PCCA: variants seen among roughly 807,000 people sequenced by gnomAD.
PCCA encodes the protein propionyl-CoA carboxylase alpha chain, mitochondrial.
In PCCA, 74 loss-of-function variants were observed where a neutral mutation model predicts 101.3. The ratio of observed to expected loss-of-function variants is 0.73; its 90% CI spans 0.61 to 0.89. PCCA has a LOEUF of 0.89. PCCA is among the 40% of genes least tolerant of loss of function. PCCA has a pLI of 0.00. For synonymous variants in PCCA, 294 were observed against 313.6 expected, an observed-to-expected ratio of 0.94 and a Z score of 0.66; for missense variants, 891 against 907.0, an observed-to-expected ratio of 0.98 and a Z score of 0.23.
intron 16 of PCCA, among the ~76,000 whole-genome samples, chr13:100,325,098 C>A (rs1199445306): frequency 6.6e-6 from 1 of 151,914 alleles, no homozygotes; most frequent in Admixed American, 6.6e-5. Flanking sequence ...ATGTAAGGAC[C>A]ATTGTAAAAA....
At chr13:100,196,920 A>T (rs1302891475) in intron 6 of PCCA, among the ~76,000 whole-genome samples, 3 of 152,218 alleles carry the variant, frequency 2.0e-5, no homozygotes, top group African/African-American at 4.8e-5. Context: ...AATGACTCCT[A>T]TAAATGTAGT....
At chr13:100,513,286 T>C (rs2086616571) in intron 21 of PCCA, among the ~76,000 whole-genome samples, 1 of 152,258 alleles carries the variant, frequency 6.6e-6, no homozygotes, top group African/African-American at 2.4e-5. Context: ...CACCAAGGCC[T>C]CTCTGGAGGA....
intron 17 of PCCA, among the ~76,000 whole-genome samples, chr13:100,332,174 G>A (rs896433197): frequency 6.6e-6 from 1 of 152,040 alleles, no homozygotes; most frequent in African/African-American, 2.4e-5. Context: ...TCTTGACCTC[G>A]TGATCTGCCC....
chr13:100,461,376 A>G (rs1484018250), intron 21 of PCCA, among the ~76,000 whole-genome samples: 1 of 152,252 alleles, frequency 6.6e-6, no homozygotes, highest in African/African-American at 2.4e-5. Context: ...TACAGATATC[A>G]AATTTTAATA....
chr13:100,251,398 G>A (rs914606375), intron 8 of PCCA, among the ~76,000 whole-genome samples: 1 of 152,190 alleles, frequency 6.6e-6, no homozygotes, highest in Non-Finnish European at 1.5e-5. Flanking sequence ...GATTACAGCA[G>A]TAAAAATAAT....
chr13:100,319,863 A>G (rs1182008470), intron 16 of PCCA, among the ~76,000 whole-genome samples: 1 of 152,192 alleles, frequency 6.6e-6, no homozygotes, highest in African/African-American at 2.4e-5. Flanking sequence ...CAATTCTGTG[A>G]AGAAAGTCAT....
intron 20 of PCCA, among the ~76,000 whole-genome samples, chr13:100,443,147 G>C (rs1487430127): frequency 6.6e-6 from 1 of 152,116 alleles, no homozygotes; most frequent in Non-Finnish European, 1.5e-5. Flanking sequence ...GAGAGGTACT[G>C]GTGGCTTAGA....
intron 19 of PCCA, among the ~76,000 whole-genome samples, chr13:100,404,495 T>C (rs534167242): frequency 2.0e-5 from 3 of 152,220 alleles, no homozygotes; most frequent in African/African-American, 7.2e-5. Context: ...AAAGGAGTCC[T>C]GGGGGTCCCG....
chr13:100,278,882 C>A (rs2063866402), intron 12 of PCCA, among the ~76,000 whole-genome samples: 1 of 151,596 alleles, frequency 6.6e-6, no homozygotes. Context: ...TGTTCTATAC[C>A]CTCAAAAAAT....
rs533359002 is a variant in PCCA at position 100,245,186 on chromosome 13, A to G, written c.637+9308A>G. 2.0e-5 allele frequency among the ~76,000 whole-genome samples: 3 copies of G among 152,302 alleles called. No homozygotes were observed. In the East Asian group the frequency reaches 5.8e-4, roughly 29 times the overall value. ...GCAATAAAATCAGTGGAAAATTATG[A>G]TCAAATAAAAAATGAGTAATGCATT... On this transcript the variant is annotated intron_variant, in intron 8 of 23. Transcript: ENST00000376285.
At chr13:100,320,807 A>G (rs1003826467) in intron 16 of PCCA, among the ~76,000 whole-genome samples, 7 of 152,168 alleles carry the variant, frequency 4.6e-5, no homozygotes, top group South Asian at 2.1e-4. Flanking sequence ...GCTGGAGTGC[A>G]GTGGCACAAT....
At chr13:100,457,993 C>G (rs1352300716) in intron 21 of PCCA, among the ~76,000 whole-genome samples, 1 of 152,114 alleles carries the variant, frequency 6.6e-6, no homozygotes, top group Non-Finnish European at 1.5e-5. Context: ...ATGCGTAGCC[C>G]AGCTTATCCT....
intron 19 of PCCA, among the ~76,000 whole-genome samples, chr13:100,408,444 G>C (rs1277083867): frequency 6.6e-6 from 1 of 152,128 alleles, no homozygotes; most frequent in South Asian, 2.1e-4. Context: ...TTAAAGTCAC[G>C]TGAACTGAAA....
chr13:100,353,416 T>A (rs775718752), intron 18 of PCCA, among the ~76,000 whole-genome samples: 3 of 152,206 alleles, frequency 2.0e-5, no homozygotes, highest in Admixed American at 6.5e-5. Flanking sequence ...TTACTAGAAT[T>A]GAAATCATCC....
intron 19 of PCCA, among the ~76,000 whole-genome samples, chr13:100,381,128 T>C (rs2076200981): frequency 6.6e-6 from 1 of 152,192 alleles, no homozygotes; most frequent in African/African-American, 2.4e-5. Flanking sequence ...CTCACGCCTG[T>C]AATCCCAGCA....
At chr13:100,321,661 T>C (rs895509663) in intron 16 of PCCA, among the ~76,000 whole-genome samples, 16 of 151,606 alleles carry the variant, frequency 1.1e-4, no homozygotes, top group Non-Finnish European at 1.9e-4. Context: ...ATAATATATA[T>C]ATATGTATAT....
chr13:100,222,738 C>A (rs986087658), intron 7 of PCCA, among the ~76,000 whole-genome samples: 1 of 152,190 alleles, frequency 6.6e-6, no homozygotes, highest in Non-Finnish European at 1.5e-5. Flanking sequence ...GTTTTTAAGA[C>A]TAAAGTCTTT....
chr13:100,217,329 C>T (rs1306166234), intron 7 of PCCA, among the ~76,000 whole-genome samples: 2 of 150,076 alleles, frequency 1.3e-5, no homozygotes, highest in Admixed American at 6.7e-5. Flanking sequence ...CCTGTAATCC[C>T]AGCCACTCGG....
At chr13:100,109,605 GT>G (rs2048120338) in intron 2 of PCCA, among the ~76,000 whole-genome samples, 1 of 152,156 alleles carries the variant, frequency 6.6e-6, no homozygotes, top group South Asian at 2.1e-4. Flanking sequence ...TTTAAGAGGG[GT>G]TTACCATGAC....
Sources: allele counts gnomAD v4.1 joint callset (sites outside exome capture counted in the v4.1 genomes callset), GRCh38; gene constraint gnomAD v4.1.1; transcripts MANE v1.5; gene names NCBI Gene and HGNC (gene_info 2026-07-23, HGNC 2026-07-21).